The following MYMX variants were observed in gnomAD, a reference collection of about 807,000 sequenced individuals.
The protein encoded by MYMX is myomixer, myoblast fusion factor.
chr6:44,199,821 C>T, the MYMX span, among the ~76,000 whole-genome samples: 2 of 151,930 alleles, frequency 1.3e-5, no homozygotes, highest in Non-Finnish European at 2.9e-5. Context: ...GTAGCTGAGA[C>T]TATAGGAGTA....
the MYMX span, among the ~76,000 whole-genome samples, chr6:44,211,098 G>A: frequency 6.6e-6 from 1 of 152,154 alleles, no homozygotes; most frequent in African/African-American, 2.4e-5. Flanking sequence ...GCAAGACTCT[G>A]TCTAAATAAA....
chr6:44,206,227 T>A, the MYMX span, among the ~76,000 whole-genome samples: 1 of 151,904 alleles, frequency 6.6e-6, no homozygotes, highest in Admixed American at 6.6e-5. Flanking sequence ...TATTTACTTA[T>A]TTTTTATTTT....
chr6:44,214,145 A>G (rs1250698028), upstream of MYMX, among the ~76,000 whole-genome samples: 3 of 152,192 alleles, frequency 2.0e-5, no homozygotes, highest in Admixed American at 6.5e-5. Flanking sequence ...CATGTTTTAT[A>G]AGCATCATTC....
chr6:44,207,315 A>G, the MYMX span, among the ~76,000 whole-genome samples: 1 of 151,050 alleles, frequency 6.6e-6, no homozygotes, highest in Non-Finnish European at 1.5e-5. Flanking sequence ...ATTTTTTTGT[A>G]TTTTTAGTAG....
chr6:44,214,641 C>T (rs1463137471), upstream of MYMX, among the ~76,000 whole-genome samples: 2 of 152,172 alleles, frequency 1.3e-5, no homozygotes, highest in African/African-American at 4.8e-5. Flanking sequence ...GGCATGATCT[C>T]GGCTCACGGC....
the MYMX span, among the ~76,000 whole-genome samples, chr6:44,206,420 CG>C: frequency 7.4e-3 from 1,121 of 151,958 alleles, 20 homozygotes; most frequent in African/African-American, 0.025. Context: ...TTAGTAGAGA[CG>C]GGGTTTTGCT....
chr6:44,198,417 G>A, the MYMX span, among the ~76,000 whole-genome samples: 12 of 151,804 alleles, frequency 7.9e-5, no homozygotes, highest in East Asian at 9.7e-4. Context: ...TACCCGCCTC[G>A]GCCTCCCAAA....
chr6:44,213,301 G>T (rs1024946246), upstream of MYMX, among the ~76,000 whole-genome samples: 1 of 151,876 alleles, frequency 6.6e-6, no homozygotes, highest in Non-Finnish European at 1.5e-5. Context: ...CAGGAGAATC[G>T]CTTGAACGCG....
chr6:44,211,788 T>TTGTGTGTGTGTGTG, the MYMX span, among the ~76,000 whole-genome samples: 10,343 of 126,288 alleles, frequency 0.082, 606 homozygotes, highest in Non-Finnish European at 0.11. Flanking sequence ...CAGCTAGGTT[T>TTGTGTGTGTGTGTG]TGTGTGTGTG....
chr6:44,212,860 CAAAAAAA>C (rs138470528), upstream of MYMX, among the ~76,000 whole-genome samples: 1 of 84,022 alleles, frequency 1.2e-5, no homozygotes, highest in Non-Finnish European at 2.4e-5. Flanking sequence ...CTTGTCTCTC[CAAAAAAA>C]AAAAAAAAAC....
At chr6:44,200,601 C>T in the MYMX span, among the ~76,000 whole-genome samples, 1 of 152,176 alleles carries the variant, frequency 6.6e-6, no homozygotes, top group Non-Finnish European at 1.5e-5. Context: ...AGGCGTGAGC[C>T]ATCGCGCCTG....
chr6:44,213,973 G>C (rs576847650), upstream of MYMX, among the ~76,000 whole-genome samples: 1 of 152,230 alleles, frequency 6.6e-6, no homozygotes, highest in South Asian at 2.1e-4. Context: ...GCCATGCTCA[G>C]CTAATTTTTT....
At chr6:44,203,072 C>T in the MYMX span, among the ~76,000 whole-genome samples, 2 of 152,174 alleles carry the variant, frequency 1.3e-5, no homozygotes, top group South Asian at 4.1e-4. Flanking sequence ...CAGATGTGGG[C>T]CAGTGCTTGG....
chr6:44,211,230 C>T, the MYMX span, among the ~76,000 whole-genome samples: 3 of 152,068 alleles, frequency 2.0e-5, no homozygotes, highest in East Asian at 1.9e-4. Context: ...TCCTAGTTTT[C>T]GCTAGAAATT....
At chr6:44,210,165 T>G in the MYMX span, 1 of 151,908 alleles carries the variant, frequency 6.6e-6, no homozygotes, top group African/African-American at 2.4e-5. Context: ...AGGGATGGTC[T>G]CCATCTCCTG....
the MYMX span, chr6:44,209,791 A>G: frequency 6.6e-6 from 1 of 150,946 alleles, no homozygotes; most frequent in Non-Finnish European, 1.5e-5. Context: ...AGGTGCCTGT[A>G]ATCCCAGCTA....
the MYMX span, among the ~76,000 whole-genome samples, chr6:44,208,151 C>T: frequency 6.6e-6 from 1 of 151,226 alleles, no homozygotes; most frequent in Non-Finnish European, 1.5e-5. Context: ...TCGCTTAAGC[C>T]TGGGAGGATC....
At chr6:44,205,537 G>A in the MYMX span, among the ~76,000 whole-genome samples, 4 of 151,984 alleles carry the variant, frequency 2.6e-5, no homozygotes, top group South Asian at 8.3e-4. Context: ...GCGGCTGGGG[G>A]CGGTGGCTCA....
chr6:44,195,162 G>A, the MYMX span, among the ~76,000 whole-genome samples: 1 of 152,024 alleles, frequency 6.6e-6, no homozygotes, highest in African/African-American at 2.4e-5. Flanking sequence ...GGGATTACAG[G>A]TGCGCACCAC....
Sources: allele counts gnomAD v4.1 joint callset (sites outside exome capture counted in the v4.1 genomes callset), GRCh38; gene constraint gnomAD v4.1.1; transcripts MANE v1.5; gene names NCBI Gene and HGNC (gene_info 2026-07-23, HGNC 2026-07-21).